Variants in COL12A1 observed in about 807,000 individuals in gnomAD.
COL12A1 encodes the protein collagen type XII alpha 1 chain.
In COL12A1, 114 loss-of-function variants were observed where a neutral mutation model predicts 349.7. That is an observed-to-expected ratio of 0.33 (90% CI 0.28 to 0.38). The LOEUF is 0.38. Among genes scored for constraint, COL12A1 ranks in the 10% least tolerant of loss-of-function variants. The probability of loss-of-function intolerance (pLI) is 1.00; values close to 1 mark genes in which losing one functional copy is unlikely to be tolerated. For missense variants in COL12A1, 3,284 were observed against 3,756.9 expected (o/e 0.87, Z 3.29); for synonymous variants, 1,369 against 1,329.0 (o/e 1.03, Z -0.66).
At chr6:75,178,052 G>A (rs1372761456) in intron 11 of COL12A1, 117 bp from the exon 12 acceptor site, 14 of 971,090 alleles carry the variant, frequency 1.4e-5, no homozygotes, top group Non-Finnish European at 1.9e-5. Context: ...AAATCCATGA[G>A]CAATTTATTT....
At position 75,175,270 on chromosome 6, in the gene COL12A1, C is replaced by A. The variant is rs781557444; in HGVS notation, c.2478G>T (p.Thr826=). ...TCCAAGATAATTTCATAGTAGACGT[C>A]GTAGGGTCAGAAACTCTTAAGTCTC... The part of the protein sequence containing the change: ...NPRDLRVSDP[T]TSTMKLSWSG... The change falls in exon 13 of 66, where the codon ACG becomes ACT. Residue 826 remains threonine, a synonymous_variant. Transcript: ENST00000322507. 1.9e-6 allele frequency: 3 copies of A among 1,614,154 alleles called. No individual in the cohort carries two copies. Among genetic ancestry groups the A allele is most frequent in the Non-Finnish European group, 2.5e-6 (3 of 1,180,034 alleles).
At chr6:75,204,420 C>A (rs751794298) in intron 1 of COL12A1, among the ~76,000 whole-genome samples, 10 of 152,126 alleles carry the variant, frequency 6.6e-5, no homozygotes, top group Non-Finnish European at 1.5e-4. Flanking sequence ...CGCCACCTGT[C>A]GCTTTCCCGA....
At chr6:75,086,750 T>G (rs1279720623) in intron 65 of COL12A1, among the ~76,000 whole-genome samples, 193 bp from the exon 66 acceptor site, 1 of 151,410 alleles carries the variant, frequency 6.6e-6, no homozygotes, top group African/African-American at 2.4e-5. Context: ...TTGCAATTTT[T>G]TGAATGGGTT....
rs1766024225 is a variant in COL12A1 at position 75,126,489 on chromosome 6, A to G, written c.6341-19T>C. On this transcript the variant is annotated intron_variant, in intron 38 of 65. Coordinates refer to ENST00000322507, the MANE Select transcript of COL12A1 (RefSeq NM_004370.6). ...AGTCCCACTGAAAACAAACATTGAC[A>G]CACATTACTGACCTTTTATTGGCAC... The G allele has an allele frequency of 6.2e-7, 1 of 1,606,466 alleles. No individual in the cohort carries two copies. The highest frequency in any genetic ancestry group is 1.3e-5 in the African/African-American group (1 of 74,684).
chr6:75,131,606 G>C lies in COL12A1; in HGVS notation c.5937+334C>G, dbSNP rs147001659. On this transcript the variant is annotated intron_variant, in intron 35 of 65. Coordinates refer to ENST00000322507, the MANE Select transcript of COL12A1 (RefSeq NM_004370.6). ...TAGTCTACTTACAAAACTGAATAAT[G>C]TTATGAATGAAAGATAGATTGGGCA... 4.4e-3 allele frequency among the ~76,000 whole-genome samples: 663 copies of C among 152,268 alleles called. 1 individual carries two copies. The highest frequency in any genetic ancestry group is 7.2e-3 in the Non-Finnish European group (489 of 68,014).
chr6:75,194,452 G>A (rs1770114128), intron 3 of COL12A1, among the ~76,000 whole-genome samples: 2 of 152,036 alleles, frequency 1.3e-5, no homozygotes, highest in South Asian at 4.1e-4. Flanking sequence ...CACTGGGTAA[G>A]GTGTAACAAC....
At chr6:75,102,916 T>C (rs1768372997) in intron 55 of COL12A1, among the ~76,000 whole-genome samples, 2 of 152,224 alleles carry the variant, frequency 1.3e-5, no homozygotes, top group African/African-American at 2.4e-5. Context: ...ATAAAAGTCC[T>C]ATTAGAAATA....
intron 1 of COL12A1, among the ~76,000 whole-genome samples, chr6:75,204,671 G>C (rs922862804): frequency 1.3e-5 from 2 of 152,072 alleles, no homozygotes; most frequent in African/African-American, 4.8e-5. Flanking sequence ...GAGTCCACTG[G>C]GGTGGGAGTG....
chr6:75,145,232 T>C, intron 25 of COL12A1, 94 bp downstream of exon 25: 1 of 1,186,994 alleles, frequency 8.4e-7, no homozygotes, highest in Non-Finnish European at 1.1e-6. Flanking sequence ...TGTATATAAA[T>C]TATCAAATTA....
At chr6:75,112,617 T>C (rs1768893085) in intron 51 of COL12A1, among the ~76,000 whole-genome samples, 1 of 151,758 alleles carries the variant, frequency 6.6e-6, no homozygotes, top group Non-Finnish European at 1.5e-5. Context: ...TTTAATAAGA[T>C]TTTCTAGAGA....
chr6:75,188,755 A>C (rs1204630065), intron 7 of COL12A1, among the ~76,000 whole-genome samples: 2 of 152,152 alleles, frequency 1.3e-5, no homozygotes, highest in Admixed American at 6.6e-5. Flanking sequence ...AAGAGGAAAA[A>C]AGTGGTTGGT....
At chr6:75,168,727 A>T (rs1768451808) in intron 13 of COL12A1, among the ~76,000 whole-genome samples, 1 of 152,044 alleles carries the variant, frequency 6.6e-6, no homozygotes, top group Admixed American at 6.5e-5. Context: ...TCTTCTTTCT[A>T]CTTCTCCTCT....
rs568524064 is a variant in COL12A1 at position 75,194,662 on chromosome 6, CA to C, written c.190+168del. Among the ~76,000 whole-genome samples, 941 of 152,168 alleles carry C rather than the reference CA, an allele frequency of 6.2e-3. 8 individuals carry two copies. Among genetic ancestry groups the C allele is most frequent in the African/African-American group, 0.022 (904 of 41,516 alleles). On this transcript the variant is annotated intron_variant, in intron 3 of 65. Coordinates refer to ENST00000322507, the MANE Select transcript of COL12A1 (RefSeq NM_004370.6). ...AATAACATTAAAATATAATAGTGGA[CA>C]CTAGACTGGAAATCTGAAACCTGAG... is the stretch of plus-strand genomic sequence containing the variant.
chr6:75,136,918 T>C (rs1275994738), intron 31 of COL12A1, among the ~76,000 whole-genome samples: 2 of 152,090 alleles, frequency 1.3e-5, no homozygotes, highest in Non-Finnish European at 2.9e-5. Flanking sequence ...GGACCTCCAT[T>C]TGGATAATAG....
intron 40 of COL12A1, 25 bp from the exon 41 acceptor site, chr6:75,124,396 T>G: frequency 1.4e-6 from 2 of 1,389,964 alleles, no homozygotes; most frequent in African/African-American, 1.4e-5. Context: ...AAGAAAGAGA[T>G]TTACTTTGTA....
intron 60 of COL12A1, among the ~76,000 whole-genome samples, chr6:75,092,497 A>G (rs532368369): frequency 6.6e-6 from 1 of 152,346 alleles, no homozygotes; most frequent in South Asian, 2.1e-4. Flanking sequence ...AGTTTTCCTT[A>G]GAGTGCAACA....
chr6:75,130,177 A>T lies in COL12A1; in HGVS notation c.6124T>A (p.Ser2042Thr), dbSNP rs1766232581. The T allele has an allele frequency of 1.2e-6, 2 of 1,614,058 alleles. No individual in the cohort carries two copies. Among genetic ancestry groups the T allele is most frequent in the Admixed American group, 1.7e-5 (1 of 60,026 alleles). The change falls in exon 37 of 66, where the codon TCG becomes ACG. Residue 2042 changes from serine to threonine, a missense_variant. Physicochemically the swap from Ser to Thr is moderately conservative, Grantham distance 58. Around this residue, in one of 2 missense-constraint regions of COL12A1, gnomAD observed 2,601 missense variants for 2,824.8 expected, o/e 0.92. Transcript: ENST00000322507. ...RVFGETTNSL[S>T]VAWDHADGPV... ...CCATCAGCATGATCCCAGGCTACCG[A>T]GAGGCTATTGGTTGTTTCACCAAAG...
intron 8 of COL12A1, among the ~76,000 whole-genome samples, chr6:75,185,118 G>T (rs532253433): frequency 2.6e-5 from 4 of 152,288 alleles, no homozygotes; most frequent in African/African-American, 9.6e-5. Flanking sequence ...GGAAGTTCTG[G>T]CCAGAGCAAT....
At position 75,152,156 on chromosome 6, in the gene COL12A1, C is replaced by T. The variant is rs370675782; in HGVS notation, c.3810G>A (p.Pro1270=). The part of the protein sequence containing the change: ...KSLLQAVANL[P]YKGGNTLTGM... ...CTGTGAGAGTATTGCCTCCTTTGTACGGCAAGTTTGCCACAGCTTGCAACA... is the reference window on the plus strand; with the variant it reads ...CTGTGAGAGTATTGCCTCCTTTGTATGGCAAGTTTGCCACAGCTTGCAACA... Residue 1270 remains proline (P), a synonymous_variant, in exon 19 of 66, where the codon CCG becomes CCA. Transcript: ENST00000322507. The T allele has an allele frequency of 4.6e-5, 74 of 1,613,704 alleles. 1 individual carries two copies. The East Asian group carries it at 1.5e-3, about 33-fold the overall frequency.
Sources: allele counts gnomAD v4.1 joint callset (sites outside exome capture counted in the v4.1 genomes callset), GRCh38; gene constraint gnomAD v4.1.1; regional missense constraint gnomAD v4.1.1; transcripts MANE v1.5; gene names NCBI Gene and HGNC (gene_info 2026-07-23, HGNC 2026-07-21).